The following TSPAN9 variants were observed in gnomAD, a reference collection of about 807,000 sequenced individuals.
TSPAN9 encodes tetraspanin-9.
In TSPAN9, 16 loss-of-function variants were observed where a neutral mutation model predicts 31.0. That is an observed-to-expected ratio of 0.52 (90% CI 0.35 to 0.78). The LOEUF (loss-of-function observed/expected upper bound fraction) is 0.78. Ranked by LOEUF, TSPAN9 falls within the 30% of genes least tolerant of loss-of-function variation. The probability of loss-of-function intolerance (pLI) is 0.01; values close to 1 mark genes in which losing one functional copy is unlikely to be tolerated. For synonymous variants in TSPAN9, 145 were observed against 121.6 expected, an observed-to-expected ratio of 1.19 and a Z score of -1.27; for missense variants, 272 against 312.5, an observed-to-expected ratio of 0.87 and a Z score of 0.98.
intron 3 of TSPAN9, among the ~76,000 whole-genome samples, chr12:3,246,151 T>TA (rs767975269): frequency 1.3e-3 from 189 of 151,032 alleles, no homozygotes; most frequent in Non-Finnish European, 2.4e-3. Context: ...GAACAGGCAC[T>TA]AAACATGACA....
At chr12:3,215,176 G>A (rs1351214449) in intron 3 of TSPAN9, 1 of 152,276 alleles carries the variant, frequency 6.6e-6, no homozygotes, top group Non-Finnish European at 1.5e-5. Flanking sequence ...CGCTTCTCTG[G>A]TGGTTGTGAG....
chr12:3,268,391 T>C (rs561529509), intron 3 of TSPAN9, among the ~76,000 whole-genome samples: 1 of 130,300 alleles, frequency 7.7e-6, no homozygotes, highest in Non-Finnish European at 1.6e-5. Flanking sequence ...CAGCCTGCCC[T>C]CTCTGTGTTC....
At chr12:3,237,807 T>C (rs574111646) in intron 3 of TSPAN9, among the ~76,000 whole-genome samples, 1 of 152,328 alleles carries the variant, frequency 6.6e-6, no homozygotes, top group East Asian at 1.9e-4. Context: ...CAGCTGTCCC[T>C]GAGTCCACAC....
At chr12:3,098,767 T>C (rs1361464385) in intron 2 of TSPAN9, among the ~76,000 whole-genome samples, 1 of 151,740 alleles carries the variant, frequency 6.6e-6, no homozygotes, top group African/African-American at 2.4e-5. Flanking sequence ...TTTTTTTTTT[T>C]TGGGATGGAG....
intron 2 of TSPAN9, among the ~76,000 whole-genome samples, chr12:3,199,198 A>G (rs2098369701): frequency 6.6e-6 from 1 of 152,218 alleles, no homozygotes; most frequent in Non-Finnish European, 1.5e-5. Context: ...CAGGTAGGAC[A>G]TGAATTCTTC....
chr12:3,127,296 C>G (rs1406501608), intron 2 of TSPAN9, among the ~76,000 whole-genome samples: 1 of 152,008 alleles, frequency 6.6e-6, no homozygotes, highest in Admixed American at 6.6e-5. Flanking sequence ...CCTGTGACAA[C>G]AGTGCCTTCT....
chr12:3,264,018 GA>G (rs541525905), intron 3 of TSPAN9, among the ~76,000 whole-genome samples: 33 of 152,328 alleles, frequency 2.2e-4, no homozygotes, highest in Admixed American at 5.2e-4. Context: ...TTTATTTGCA[GA>G]GTTTTTATCA....
intron 3 of TSPAN9, among the ~76,000 whole-genome samples, chr12:3,228,853 C>T (rs2098389225): frequency 6.6e-6 from 1 of 152,200 alleles, no homozygotes; most frequent in Non-Finnish European, 1.5e-5. Context: ...GGGCCATGCT[C>T]CCTTCGAAGG....
intron 2 of TSPAN9, among the ~76,000 whole-genome samples, chr12:3,120,642 A>G (rs1565582885): frequency 6.6e-6 from 1 of 152,026 alleles, no homozygotes; most frequent in Non-Finnish European, 1.5e-5. Flanking sequence ...CCACTAGCCC[A>G]GGTTGGGCTA....
At chr12:3,279,383 G>A (rs1862855037) in intron 5 of TSPAN9, among the ~76,000 whole-genome samples, 1 of 152,246 alleles carries the variant, frequency 6.6e-6, no homozygotes, top group Admixed American at 6.5e-5. Context: ...CTCACTGGAA[G>A]GAATTAAGCT....
chr12:3,258,746 G>A lies in TSPAN9; in HGVS notation c.64-19675G>A, dbSNP rs1862396897. ...CCCAAGATCTTCTCCCAAGCCATGA[G>A]AATGGTGGGTTGACCTGGGGCCAGA... On this transcript the variant is annotated intron_variant, in intron 3 of 8. Transcript: ENST00000011898. 2.0e-5 allele frequency among the ~76,000 whole-genome samples: 3 copies of A among 152,204 alleles called. No homozygotes were observed. The South Asian group carries it at 6.2e-4, about 31-fold the overall frequency.
chr12:3,245,588 C>T lies in TSPAN9; in HGVS notation c.64-32833C>T, dbSNP rs557239969. Among the ~76,000 whole-genome samples, 49 of 152,278 alleles carry T rather than the reference C, an allele frequency of 3.2e-4. 2 individuals carry two copies. Among genetic ancestry groups the T allele is most frequent in the Admixed American group, 9.8e-4 (15 of 15,308 alleles). ...AACTGAGGAGGGAGAAGCCTGCCTG[C>T]CCCGTGTCCTCTCTGCCTGGCCTCC... On this transcript the variant is annotated intron_variant, in intron 3 of 8. Coordinates refer to ENST00000011898, the MANE Select transcript of TSPAN9 (RefSeq NM_006675.5).
At chr12:3,249,076 T>C (rs1862196339) in intron 3 of TSPAN9, among the ~76,000 whole-genome samples, 1 of 152,220 alleles carries the variant, frequency 6.6e-6, no homozygotes, top group Non-Finnish European at 1.5e-5. Context: ...TAGTTCCTCT[T>C]AGTTCATTCG....
chr12:3,084,650 T>C (rs1362685403), intron 2 of TSPAN9, among the ~76,000 whole-genome samples: 1 of 152,224 alleles, frequency 6.6e-6, no homozygotes, highest in Non-Finnish European at 1.5e-5. Context: ...TTTTAGACCC[T>C]TTACAAATGT....
At chr12:3,089,980 T>A (rs1302104418) in intron 2 of TSPAN9, among the ~76,000 whole-genome samples, 1 of 152,122 alleles carries the variant, frequency 6.6e-6, no homozygotes, top group African/African-American at 2.4e-5. Flanking sequence ...CATTATAATA[T>A]CCAAACATTA....
chr12:3,117,608 G>A (rs1358460088), intron 2 of TSPAN9, among the ~76,000 whole-genome samples: 1 of 152,108 alleles, frequency 6.6e-6, no homozygotes, highest in African/African-American at 2.4e-5. Context: ...CACACATTCT[G>A]GGTATCTCCC....
intron 3 of TSPAN9, among the ~76,000 whole-genome samples, chr12:3,224,397 G>C (rs1393916779): frequency 6.6e-6 from 1 of 152,264 alleles, no homozygotes; most frequent in African/African-American, 2.4e-5. Context: ...TCAGAGAGGG[G>C]AGAGCAGAAT....
At chr12:3,226,765 TATATATATATATATATATATATATATATA>T (rs1306577936) in intron 3 of TSPAN9, among the ~76,000 whole-genome samples, 300 of 3,442 alleles carry the variant, frequency 0.087, 63 homozygotes, top group African/African-American at 0.19. Context: ...TATATATATA[TATATATATATATATATATATATATATATA>T]TTTTTTTTTT....
At position 3,285,181 on chromosome 12, in the gene TSPAN9, G is replaced by A. The variant is rs1274174542; in HGVS notation, c.*2065G>A. On this transcript the variant is annotated 3_prime_UTR_variant, in exon 9 of 9. Coordinates refer to ENST00000011898, the MANE Select transcript of TSPAN9 (RefSeq NM_006675.5). ...AGGAACCCCCAAAGTGCAGATTCCG[G>A]AGCAGACACATCCGGGCGGAGAGAC... 5 of 144,026 alleles carry A rather than the reference G, an allele frequency of 3.5e-5. No homozygotes were observed. Among genetic ancestry groups the A allele is most frequent in the African/African-American group, 5.1e-5 (2 of 39,526 alleles). 8.9% of individuals were successfully genotyped at this position (144,026 alleles called of 1,614,324 possible). A position where few individuals can be genotyped will look rare whatever the true frequency, so the allele number is the denominator to read the frequency against.
Sources: gnomAD v4.1 joint callset for allele counts (sites outside exome capture counted in the v4.1 genomes callset) on GRCh38, gnomAD v4.1.1 for gene constraint, MANE v1.5 for transcripts, NCBI Gene and HGNC (gene_info 2026-07-23, HGNC 2026-07-21) for gene names.